TDRD5: variants seen among roughly 807,000 people sequenced by gnomAD.
TDRD5 encodes tudor domain containing 5.
A neutral mutation model predicts 120.6 loss-of-function variants in TDRD5; 41 were observed. That is an observed-to-expected ratio of 0.34 (90% CI 0.26 to 0.44). The LOEUF (loss-of-function observed/expected upper bound fraction) is 0.44. Ranked by LOEUF, TDRD5 falls within the 20% of genes least tolerant of loss-of-function variation. The probability of loss-of-function intolerance (pLI) is 1.00; values close to 1 mark genes in which losing one functional copy is unlikely to be tolerated. For missense variants in TDRD5, 1,006 were observed against 1,221.2 expected (o/e 0.82, Z 2.63); for synonymous variants, 430 against 433.7 (o/e 0.99, Z 0.11).
intron 4 of TDRD5, among the ~76,000 whole-genome samples, chr1:179,600,466 A>C (rs1472427733): frequency 1.3e-5 from 2 of 152,216 alleles, no homozygotes; most frequent in East Asian, 3.8e-4. Context: ...TAGTAAGGTT[A>C]TACCATCTAG....
At chr1:179,628,519 TG>T (rs1252779391) in intron 6 of TDRD5, among the ~76,000 whole-genome samples, 1 of 151,136 alleles carries the variant, frequency 6.6e-6, no homozygotes, top group African/African-American at 2.4e-5. Context: ...TTGCCCAGGC[TG>T]GTCTCTAACT....
intron 7 of TDRD5, among the ~76,000 whole-genome samples, chr1:179,631,300 G>C (rs1272902846): frequency 6.6e-6 from 1 of 152,164 alleles, no homozygotes; most frequent in Non-Finnish European, 1.5e-5. Context: ...GCTGAGGCAG[G>C]AGAATGGCAT....
intron 14 of TDRD5, among the ~76,000 whole-genome samples, chr1:179,654,601 C>T (rs922483287): frequency 6.6e-6 from 1 of 151,922 alleles, no homozygotes; most frequent in Admixed American, 6.6e-5. Context: ...CTTGTCTCTA[C>T]AAAATGTACC....
chr1:179,639,890 T>C lies in TDRD5; in HGVS notation c.1572T>C (p.Cys524=), dbSNP rs185607704. 9.2e-5 allele frequency: 149 copies of C among 1,614,196 alleles called. No homozygotes were observed. The highest frequency in any genetic ancestry group is 1.2e-4 in the Non-Finnish European group (141 of 1,180,020). The part of the protein sequence containing the change: ...LVSDRYVMPE[C]FIQPGHLCCV... Reference sequence around the variant, plus strand: ...CTGATCGATATGTCATGCCAGAATGTTTTATTCAGCCGGGACATCTCTGTT... The same window carrying C: ...CTGATCGATATGTCATGCCAGAATGCTTTATTCAGCCGGGACATCTCTGTT... The change falls in exon 10 of 18, where the codon TGT becomes TGC. Residue 524 remains cysteine (C), a synonymous_variant. Coordinates refer to ENST00000444136, the MANE Select transcript of TDRD5 (RefSeq NM_001199085.3).
chr1:179,612,582 A>G (rs531478844), intron 4 of TDRD5, among the ~76,000 whole-genome samples: 3 of 152,218 alleles, frequency 2.0e-5, no homozygotes, highest in East Asian at 1.9e-4. Flanking sequence ...AAGAGTAGCA[A>G]TTTGTCAAGG....
intron 4 of TDRD5, among the ~76,000 whole-genome samples, chr1:179,616,044 CAT>C (rs1368915151): frequency 6.6e-5 from 10 of 152,018 alleles, no homozygotes; most frequent in Non-Finnish European, 1.2e-4. Flanking sequence ...ATAATTTTCA[CAT>C]GTCACAAATA....
At chr1:179,609,716 C>T (rs903289356) in intron 4 of TDRD5, among the ~76,000 whole-genome samples, 7 of 152,138 alleles carry the variant, frequency 4.6e-5, no homozygotes, top group African/African-American at 1.4e-4. Flanking sequence ...CAATGTATTA[C>T]GAAGTACTCC....
At position 179,690,683 on chromosome 1, in the gene TDRD5, CTTTCT is replaced by C. The variant is rs1216737133; in HGVS notation, c.2861-8_2861-4del. ...CCCCTTGAAAAGATGTTTGTGTACT[CTTTCT>C]TTTCCAGTGGAAAGCTCACCAGAGA... On this transcript the variant is annotated splice_polypyrimidine_tract_variant and splice_region_variant and intron_variant, in intron 17 of 17. Coordinates refer to ENST00000444136, the MANE Select transcript of TDRD5 (RefSeq NM_001199085.3). The C allele has an allele frequency of 6.2e-7, 1 of 1,610,584 alleles. No homozygotes were observed. Among genetic ancestry groups the C allele is most frequent in the African/African-American group, 1.3e-5 (1 of 74,806 alleles).
chr1:179,627,224 C>G (rs12065088), intron 6 of TDRD5, among the ~76,000 whole-genome samples: 1 of 152,090 alleles, frequency 6.6e-6, no homozygotes, highest in Non-Finnish European at 1.5e-5. Context: ...AACTCTTGTT[C>G]CCATGAGCCC....
Position 179,630,818 on chromosome 1 carries a change from A to G in TDRD5, c.1024A>G (p.Thr342Ala). The G allele has an allele frequency of 6.2e-7, 1 of 1,614,098 alleles. No homozygotes were observed. Among genetic ancestry groups the G allele is most frequent in the Non-Finnish European group, 8.5e-7 (1 of 1,179,992 alleles). Residue 342 changes from threonine to alanine, a missense_variant, in exon 7 of 18, where the codon ACA (threonine) becomes GCA (alanine). Physicochemically the swap from Thr to Ala is moderately conservative, Grantham distance 58. Transcript: ENST00000444136. ...AAAAAAATTAGGCTTCTTAAATGTGACAGAACTTGTTGGAGCTCTTAGTGA... is the reference window on the plus strand; with the variant it reads ...AAAAAAATTAGGCTTCTTAAATGTGGCAGAACTTGTTGGAGCTCTTAGTGA... ...SPKKLGFLNVTELVGALSDIL... is the reference protein window; with the variant it reads ...SPKKLGFLNVAELVGALSDIL...
chr1:179,667,774 T>C (rs1488357886), intron 16 of TDRD5, among the ~76,000 whole-genome samples: 4 of 152,188 alleles, frequency 2.6e-5, no homozygotes, highest in African/African-American at 9.7e-5. Context: ...TTTTAGAATT[T>C]CTTTTTTGCA....
At position 179,630,881 on chromosome 1, in the gene TDRD5, T is replaced by G. The variant is rs541408123; in HGVS notation, c.1087T>G (p.Leu363Val). ...TGAGTTCAGGAAAGGACACCAAGAC[T>G]TACTAGTGTTTGATGCGGATAAGAA... ...HVEFRKGHQD[L>V]LVFDADKKPL... The change falls in exon 7 of 18, where the codon TTA becomes GTA. Residue 363 changes from leucine (L) to valine (V), a missense_variant. By Grantham distance (32) the Leu-to-Val change is conservative. Coordinates refer to ENST00000444136, the MANE Select transcript of TDRD5 (RefSeq NM_001199085.3). 1 of 1,613,722 alleles carries G rather than the reference T, an allele frequency of 6.2e-7. No individual in the cohort carries two copies. Among genetic ancestry groups the G allele is most frequent in the East Asian group, 2.2e-5 (1 of 44,858 alleles).
At chr1:179,597,056 G>A (rs1264766288) in intron 4 of TDRD5, among the ~76,000 whole-genome samples, 1 of 152,156 alleles carries the variant, frequency 6.6e-6, no homozygotes, top group African/African-American at 2.4e-5. Context: ...TAATGATAAT[G>A]TTGAGCATCT....
At chr1:179,617,260 A>G (rs1199111485) in intron 4 of TDRD5, among the ~76,000 whole-genome samples, 2 of 152,174 alleles carry the variant, frequency 1.3e-5, no homozygotes, top group Non-Finnish European at 1.5e-5. Context: ...TGCTGTGCCA[A>G]TGGTATTGGA....
At position 179,691,263 on chromosome 1, in the gene TDRD5, G is replaced by A. The variant is rs931108436; in HGVS notation, c.*320G>A. On this transcript the variant is annotated 3_prime_UTR_variant, in exon 18 of 18. Transcript: ENST00000444136. Reference sequence around the variant, plus strand: ...TTATCATGACTGATAAATGAAAATTGAAAAACTAATGTTTGTGATCTATAT... The same window carrying A: ...TTATCATGACTGATAAATGAAAATTAAAAAACTAATGTTTGTGATCTATAT... The A allele has an allele frequency of 4.7e-6, 1 of 214,706 alleles. No homozygotes were observed. The highest frequency in any genetic ancestry group is 2.3e-5 in the African/African-American group (1 of 42,850). The allele number at this position is 214,706 out of a possible 1,614,324, so 13.3% of individuals were successfully genotyped here.
At chr1:179,670,359 T>G (rs1361101958) in intron 17 of TDRD5, among the ~76,000 whole-genome samples, 1 of 148,822 alleles carries the variant, frequency 6.7e-6, no homozygotes, top group African/African-American at 2.5e-5. Context: ...GCCACTACAC[T>G]CCAGCCTGGG....
intron 4 of TDRD5, among the ~76,000 whole-genome samples, chr1:179,597,765 T>G (rs1227664650): frequency 1.3e-5 from 2 of 152,364 alleles, no homozygotes; most frequent in East Asian, 3.8e-4. Flanking sequence ...CAGATTTGCC[T>G]AAGGTACCAG....
At chr1:179,634,950 T>C (rs1031310533) in intron 8 of TDRD5, among the ~76,000 whole-genome samples, 8 of 152,186 alleles carry the variant, frequency 5.3e-5, no homozygotes, top group African/African-American at 1.9e-4. Flanking sequence ...GCTGTGTGCC[T>C]CAACGCTGCT....
chr1:179,649,133 T>A (rs1272251791), intron 11 of TDRD5, among the ~76,000 whole-genome samples: 1 of 152,168 alleles, frequency 6.6e-6, no homozygotes, highest in African/African-American at 2.4e-5. Context: ...TGTCTCTAGG[T>A]GTTTTTAAAA....
Sources: allele counts gnomAD v4.1 joint callset (sites outside exome capture counted in the v4.1 genomes callset), GRCh38; gene constraint gnomAD v4.1.1; transcripts MANE v1.5; gene names NCBI Gene and HGNC (gene_info 2026-07-23, HGNC 2026-07-21).